Variants in OSBPL1A observed in about 807,000 individuals in gnomAD.
OSBPL1A encodes the protein oxysterol binding protein like 1A.
In OSBPL1A, 80 loss-of-function variants were observed where a neutral mutation model predicts 137.1. The observed-to-expected ratio is 0.58, with a 90% CI of 0.49 to 0.70. OSBPL1A has a LOEUF of 0.70. OSBPL1A is among the 30% of genes least tolerant of loss of function. The probability of loss-of-function intolerance (pLI) is 0.00; values close to 1 mark genes in which losing one functional copy is unlikely to be tolerated. For missense variants in OSBPL1A, 970 were observed against 1,129.4 expected (o/e 0.86, Z 2.02); for synonymous variants, 365 against 389.7 (o/e 0.94, Z 0.75).
At chr18:24,272,198 T>C (rs1252949832) in intron 15 of OSBPL1A, 28 of 983,098 alleles carry the variant, frequency 2.8e-5, no homozygotes, top group Non-Finnish European at 3.3e-5. Flanking sequence ...AGAGCTGCTG[T>C]GCGCTCGGCC....
chr18:24,211,869 A>G (rs2440596), intron 17 of OSBPL1A, among the ~76,000 whole-genome samples: 17 of 151,102 alleles, frequency 1.1e-4, no homozygotes, highest in East Asian at 3.9e-4. Flanking sequence ...AGATTGCACC[A>G]TTGCACTCCA....
chr18:24,251,156 C>G (rs2089078553), intron 15 of OSBPL1A, among the ~76,000 whole-genome samples: 1 of 152,246 alleles, frequency 6.6e-6, no homozygotes, highest in African/African-American at 2.4e-5. Context: ...GAAAACATCT[C>G]TGGACCTATT....
chr18:24,179,142 C>T (rs893940308), intron 20 of OSBPL1A: 1 of 152,414 alleles, frequency 6.6e-6, no homozygotes, highest in Non-Finnish European at 1.5e-5. Flanking sequence ...TTCTGACCTC[C>T]CTCTCCTGGG....
chr18:24,195,977 C>A, intron 18 of OSBPL1A, 148 bp downstream of exon 18: 1 of 650,362 alleles, frequency 1.5e-6, no homozygotes, highest in Non-Finnish European at 2.7e-6. Flanking sequence ...AGAAAAAAGT[C>A]ACCTACGACT....
Position 24,271,581 on chromosome 18 carries a change from C to T in OSBPL1A, c.1281+9261G>A. On this transcript the variant is annotated intron_variant, in intron 15 of 27. Coordinates refer to ENST00000319481, the MANE Select transcript of OSBPL1A (RefSeq NM_080597.4). This position sits in a 1 kb window ranked among gnomAD's most constrained non-coding sequence, Gnocchi z 4.0. The stretch of plus-strand genomic sequence containing the variant: ...CCCCGGCGTCCTCCGTGGCCCCAGG[C>T]TGCCCCGCAAAGCCACCGAGCTGCA... 2 of 987,216 alleles carry T rather than the reference C, an allele frequency of 2.0e-6. No homozygotes were observed. The highest frequency in any genetic ancestry group is 2.4e-6 in the Non-Finnish European group (2 of 831,416). 61.2% of individuals were successfully genotyped at this position (987,216 alleles called of 1,614,324 possible).
chr18:24,243,294 GA>G (rs1382388096), intron 15 of OSBPL1A, among the ~76,000 whole-genome samples: 1 of 152,106 alleles, frequency 6.6e-6, no homozygotes, highest in Non-Finnish European at 1.5e-5. Context: ...TCCTTTCTTT[GA>G]AAAGATCTCT....
intron 4 of OSBPL1A, among the ~76,000 whole-genome samples, chr18:24,346,996 C>T (rs552485523): frequency 2.6e-4 from 40 of 152,046 alleles, no homozygotes; most frequent in Admixed American, 1.6e-3. Context: ...GCAATCCTCC[C>T]GCCTTGGCCT....
rs550471284 is a variant in OSBPL1A, at chr18:24,384,654, G to C, written c.-2-7119C>G. Among the ~76,000 whole-genome samples, 420 of 152,122 alleles carry C rather than the reference G, an allele frequency of 2.8e-3. 2 individuals carry two copies. Among genetic ancestry groups the C allele is most frequent in the African/African-American group, 1.0e-2 (414 of 41,520 alleles). On this transcript the variant is annotated intron_variant, in intron 1 of 27. Transcript: ENST00000319481. ...CGAGGCCAAGATGGGCGGATCACCT[G>C]AGGTCAGGAGTTCCGGACCAGCGTG...
intron 4 of OSBPL1A, among the ~76,000 whole-genome samples, chr18:24,345,367 G>C (rs1404989008): frequency 1.3e-5 from 2 of 152,118 alleles, no homozygotes; most frequent in African/African-American, 2.4e-5. Flanking sequence ...ACTCAGACTA[G>C]AAAGGGTCAA....
At chr18:24,385,995 G>A (rs751592432) in intron 1 of OSBPL1A, among the ~76,000 whole-genome samples, 17 of 152,136 alleles carry the variant, frequency 1.1e-4, no homozygotes, top group South Asian at 2.1e-4. Context: ...CAAGGCTGGC[G>A]GGCAGGAAAG....
In OSBPL1A at chr18:24,189,878, A is replaced by C. The variant is rs534487889; in HGVS notation, c.1677+6247T>G. 1.2e-4 allele frequency among the ~76,000 whole-genome samples: 19 copies of C among 152,354 alleles called. No homozygotes were observed. In the East Asian group the frequency reaches 3.3e-3, roughly 26 times the overall value. On this transcript the variant is annotated intron_variant, in intron 18 of 27. Transcript: ENST00000319481. ...CCAGCCATGGGGGACAACAGGGGCC[A>C]GAGTGAAAGACACGCAGGCAGAAAG... is the stretch of plus-strand genomic sequence containing the variant.
intron 14 of OSBPL1A, among the ~76,000 whole-genome samples, chr18:24,287,305 G>T (rs2090082016): frequency 1.3e-5 from 2 of 152,202 alleles, no homozygotes; most frequent in South Asian, 2.1e-4. Flanking sequence ...TGGTAACTAG[G>T]GTTGAGCCAC....
intron 17 of OSBPL1A, among the ~76,000 whole-genome samples, chr18:24,200,821 T>A (rs987439429): frequency 1.3e-5 from 2 of 152,248 alleles, no homozygotes; most frequent in Non-Finnish European, 2.9e-5. Flanking sequence ...GCAGTGTTAT[T>A]TGAAGAAGCA....
intron 17 of OSBPL1A, among the ~76,000 whole-genome samples, chr18:24,208,455 T>C (rs1022850555): frequency 2.0e-4 from 30 of 152,218 alleles, no homozygotes; most frequent in African/African-American, 6.8e-4. Context: ...TTGTTAGAAA[T>C]TTAACACTCA....
intron 15 of OSBPL1A, among the ~76,000 whole-genome samples, chr18:24,252,866 A>T (rs1439966876): frequency 6.6e-6 from 1 of 152,132 alleles, no homozygotes; most frequent in African/African-American, 2.4e-5. Context: ...TTCTTTTTGC[A>T]TGTTTGTTTA....
chr18:24,303,863 G>A, intron 13 of OSBPL1A, 145 bp from the exon 14 acceptor site: 1 of 597,846 alleles, frequency 1.7e-6, no homozygotes, highest in Non-Finnish European at 2.9e-6. Flanking sequence ...AAAAAGGTGA[G>A]AGAAAATTTC....
chr18:24,323,288 C>T lies in OSBPL1A; in HGVS notation c.626-4479G>A, dbSNP rs542624254. Among the ~76,000 whole-genome samples the T allele has an allele frequency of 1.6e-4, 24 of 152,122 alleles. 1 individual carries two copies. In the South Asian group the frequency reaches 4.8e-3, roughly 30 times the overall value. ...CAAAAAGAGACTGGGCACCATGGCT[C>T]ATGCCTGTAATCCCAGCACTTTGGG... On this transcript the variant is annotated intron_variant, in intron 7 of 27. Coordinates refer to ENST00000319481, the MANE Select transcript of OSBPL1A (RefSeq NM_080597.4).
At chr18:24,372,836 G>A (rs1334557258) in intron 2 of OSBPL1A, among the ~76,000 whole-genome samples, 3 of 152,068 alleles carry the variant, frequency 2.0e-5, no homozygotes, top group African/African-American at 7.2e-5. Context: ...GGCCAAAGTG[G>A]GCAGATCACT....
chr18:24,258,994 G>C (rs992744982), intron 15 of OSBPL1A, among the ~76,000 whole-genome samples: 4 of 138,008 alleles, frequency 2.9e-5, no homozygotes, highest in Non-Finnish European at 6.1e-5. Context: ...CTGGAGTGCA[G>C]TGGCAGGATC....
Sources: allele counts gnomAD v4.1 joint callset (sites outside exome capture counted in the v4.1 genomes callset), GRCh38; gene constraint gnomAD v4.1.1; non-coding constraint Gnocchi (gnomAD v3.1); transcripts MANE v1.5; gene names NCBI Gene and HGNC (gene_info 2026-07-23, HGNC 2026-07-21).